The following TIAM1 variants were observed in gnomAD, a reference collection of about 807,000 sequenced individuals.
TIAM1 encodes rho guanine nucleotide exchange factor TIAM1.
Under a neutral mutation model 163.5 loss-of-function variants are expected in TIAM1, and 65 were observed. The ratio of observed to expected loss-of-function variants is 0.40; its 90% CI spans 0.33 to 0.49. The LOEUF is 0.49. Among genes scored for constraint, TIAM1 ranks in the 20% least tolerant of loss-of-function variants. The probability of loss-of-function intolerance (pLI) is 0.77; values close to 1 mark genes in which losing one functional copy is unlikely to be tolerated. For missense variants in TIAM1, 1,789 were observed against 2,044.7 expected, an observed-to-expected ratio of 0.87 and a Z score of 2.41; for synonymous variants, 833 against 810.1, an observed-to-expected ratio of 1.03 and a Z score of -0.48.
At chr21:31,290,951 C>G (rs527788171) in intron 2 of TIAM1, among the ~76,000 whole-genome samples, 1 of 152,160 alleles carries the variant, frequency 6.6e-6, no homozygotes. Flanking sequence ...ATAGCACTAG[C>G]GCTCACTAGG....
At chr21:31,394,045 C>T (rs569346641) in intron 2 of TIAM1, among the ~76,000 whole-genome samples, 6 of 151,820 alleles carry the variant, frequency 4.0e-5, no homozygotes, top group Admixed American at 6.6e-5. Context: ...TACAAAAACC[C>T]GCATGTGAAT....
chr21:31,349,339 A>G (rs845927), intron 2 of TIAM1, among the ~76,000 whole-genome samples: 27,016 of 152,178 alleles, frequency 0.18, 2,577 homozygotes, highest in African/African-American at 0.23. Context: ...TTAGATAAAG[A>G]TAACAAAGAA....
chr21:31,492,543 T>C (rs1453415916), intron 1 of TIAM1, among the ~76,000 whole-genome samples: 2 of 152,170 alleles, frequency 1.3e-5, no homozygotes, highest in Non-Finnish European at 2.9e-5. Flanking sequence ...CTTATCTACC[T>C]ATGACCTGGA....
chr21:31,131,024 A>G (rs2833289), intron 23 of TIAM1, 76 bp from the exon 24 acceptor site: 73,062 of 1,224,972 alleles, frequency 0.06, 2,451 homozygotes, highest in East Asian at 0.1. Context: ...AACTTGTGGT[A>G]ATAAACACTA....
In TIAM1 at chr21:31,453,325, G is replaced by A. The variant is rs571724095; in HGVS notation, c.-369+10658C>T. The A allele has an allele frequency of 2.3e-5, 4 of 170,714 alleles. No homozygotes were observed. In the East Asian group the frequency reaches 7.3e-4, roughly 31 times the overall value. The allele number at this position is 170,714 out of a possible 1,614,324, so 10.6% of individuals were successfully genotyped here. A position where few individuals can be genotyped will look rare whatever the true frequency, so the allele number is the denominator to read the frequency against. ...GCCATGTTGGAACTGCCTATGAAGG[G>A]GCTGTGTGGCAGGAACTGTGGGTGT... is the stretch of plus-strand genomic sequence containing the variant. On this transcript the variant is annotated intron_variant, in intron 2 of 28. Transcript: ENST00000286827.
chr21:31,512,479 C>T (rs1404535131), intron 1 of TIAM1, among the ~76,000 whole-genome samples: 1 of 152,172 alleles, frequency 6.6e-6, no homozygotes, highest in Non-Finnish European at 1.5e-5. Context: ...AAACTACGGA[C>T]ACAGCCCTCT....
intron 15 of TIAM1, among the ~76,000 whole-genome samples, chr21:31,174,200 C>CA (rs1388855533): frequency 6.6e-6 from 1 of 152,258 alleles, no homozygotes; most frequent in Non-Finnish European, 1.5e-5. Context: ...AGGCCATCTC[C>CA]ATGGAACATC....
intron 14 of TIAM1, among the ~76,000 whole-genome samples, chr21:31,185,392 T>C (rs2082921122): frequency 1.4e-5 from 2 of 144,502 alleles, no homozygotes; most frequent in South Asian, 2.1e-4. Flanking sequence ...TAATTATATA[T>C]AATTATGCTA....
chr21:31,160,089 A>G (rs2083835924), intron 16 of TIAM1, among the ~76,000 whole-genome samples: 1 of 152,248 alleles, frequency 6.6e-6, no homozygotes, highest in Admixed American at 6.5e-5. Context: ...CCATGCACGT[A>G]ACACAAAACA....
At chr21:31,544,092 C>T (rs2048408723) in intron 1 of TIAM1, among the ~76,000 whole-genome samples, 1 of 152,066 alleles carries the variant, frequency 6.6e-6, no homozygotes, top group African/African-American at 2.4e-5. Flanking sequence ...TGCCTGTAAT[C>T]CCAGCTACTC....
intron 3 of TIAM1, among the ~76,000 whole-genome samples, chr21:31,267,496 T>G (rs2042427171): frequency 6.7e-6 from 1 of 149,306 alleles, no homozygotes. Context: ...TCCCTGACAA[T>G]GGGTACGTTT....
rs115798055 is a variant in TIAM1, at chr21:31,279,267, T to C, written c.-188-2359A>G. Among the ~76,000 whole-genome samples the C allele has an allele frequency of 9.9e-3, 1,511 of 152,276 alleles. 35 individuals are homozygous for C. Among genetic ancestry groups the C allele is most frequent in the African/African-American group, 0.034 (1,423 of 41,548 alleles). On this transcript the variant is annotated intron_variant, in intron 2 of 27. Transcript: ENST00000541036. Reference sequence around the variant, plus strand: ...GGAAAAAATTTGCCTATGACCCTGGTTGCGGAACTGATCCATGACATGGAC... The same window carrying C: ...GGAAAAAATTTGCCTATGACCCTGGCTGCGGAACTGATCCATGACATGGAC...
chr21:31,405,646 C>T (rs569905734), intron 2 of TIAM1, among the ~76,000 whole-genome samples: 1 of 152,284 alleles, frequency 6.6e-6, no homozygotes, highest in African/African-American at 2.4e-5. Context: ...AAAAAAAGAG[C>T]TTGTGCAGAG....
At chr21:31,290,026 A>C (rs2073959019) in intron 2 of TIAM1, among the ~76,000 whole-genome samples, 1 of 152,198 alleles carries the variant, frequency 6.6e-6, no homozygotes, top group African/African-American at 2.4e-5. Context: ...AATAGTTCTA[A>C]GCATGCCCAC....
intron 19 of TIAM1, among the ~76,000 whole-genome samples, chr21:31,147,716 A>G (rs1379562138): frequency 6.9e-6 from 1 of 144,040 alleles, no homozygotes; most frequent in African/African-American, 2.5e-5. Context: ...ATTTTATATA[A>G]TATATAAAAT....
At chr21:31,496,520 A>T (rs1028893671) in intron 1 of TIAM1, among the ~76,000 whole-genome samples, 2 of 151,388 alleles carry the variant, frequency 1.3e-5, no homozygotes, top group African/African-American at 4.9e-5. Context: ...CATTGAGCTT[A>T]TGTTTTAAAC....
chr21:31,411,102 GCACCCC>G (rs2077350529), intron 2 of TIAM1, among the ~76,000 whole-genome samples: 1 of 151,974 alleles, frequency 6.6e-6, no homozygotes, highest in Non-Finnish European at 1.5e-5. Flanking sequence ...AATCATAAAA[GCACCCC>G]CACCCCCATG....
chr21:31,366,866 C>T (rs1168926131), intron 2 of TIAM1, among the ~76,000 whole-genome samples: 1 of 152,210 alleles, frequency 6.6e-6, no homozygotes, highest in Non-Finnish European at 1.5e-5. Context: ...GATCCACCCG[C>T]CTCAGCCTAC....
At chr21:31,469,552 G>A (rs757269527) in intron 1 of TIAM1, among the ~76,000 whole-genome samples, 1 of 152,184 alleles carries the variant, frequency 6.6e-6, no homozygotes. Context: ...TTTCTGGCCA[G>A]GCACGGTGGC....
Sources: gnomAD v4.1 joint callset for allele counts (sites outside exome capture counted in the v4.1 genomes callset) on GRCh38, gnomAD v4.1.1 for gene constraint, MANE v1.5 for transcripts, NCBI Gene and HGNC (gene_info 2026-07-23, HGNC 2026-07-21) for gene names.